The following SLC25A48 variants were observed in gnomAD, a reference collection of about 807,000 sequenced individuals.
SLC25A48 encodes the protein solute carrier family 25 member 48.
Under a neutral mutation model 32.2 loss-of-function variants are expected in SLC25A48, and 29 were observed. The observed-to-expected ratio is 0.90, with a 90% CI of 0.67 to 1.23. The LOEUF is 1.23. SLC25A48 is among the 50% of genes most tolerant of loss of function. SLC25A48 has a pLI of 0.00. For synonymous variants in SLC25A48, 164 were observed against 172.3 expected (o/e 0.95, Z 0.38); for missense variants, 399 against 422.7 (o/e 0.94, Z 0.49).
chr5:135,617,531 T>G (rs557935214), intron 1 of SLC25A48, among the ~76,000 whole-genome samples: 1 of 152,166 alleles, frequency 6.6e-6, no homozygotes, highest in African/African-American at 2.4e-5. Flanking sequence ...TTTGGTTAGT[T>G]GAGGTTTACC....
intron 3 of SLC25A48, among the ~76,000 whole-genome samples, chr5:135,786,899 T>A (rs1181813847): frequency 6.6e-6 from 1 of 152,086 alleles, no homozygotes; most frequent in African/African-American, 2.4e-5. Flanking sequence ...ACAGTAGGTG[T>A]ACACCATGTG....
intron 1 of SLC25A48, among the ~76,000 whole-genome samples, chr5:135,584,144 G>T (rs73789261): frequency 0.032 from 4,882 of 152,240 alleles, 253 homozygotes; most frequent in African/African-American, 0.11. Flanking sequence ...GGGTCACAGG[G>T]GGCACTGCAA....
intron 3 of SLC25A48, among the ~76,000 whole-genome samples, chr5:135,789,577 TG>T (rs1184604577): frequency 2.0e-5 from 3 of 151,606 alleles, no homozygotes; most frequent in Admixed American, 1.3e-4. Context: ...CTGTGCGATA[TG>T]GTTTGTAATA....
At chr5:135,724,700 C>T (rs993786591) in intron 3 of SLC25A48, among the ~76,000 whole-genome samples, 4 of 152,250 alleles carry the variant, frequency 2.6e-5, no homozygotes, top group African/African-American at 9.6e-5. Context: ...ACCTTGGTCT[C>T]TTGACCTATG....
chr5:135,707,738 C>T (rs1580802182), intron 3 of SLC25A48, among the ~76,000 whole-genome samples: 1 of 152,294 alleles, frequency 6.6e-6, no homozygotes, highest in East Asian at 1.9e-4. Context: ...CCTTATGCCC[C>T]TCATCAGTCT....
chr5:135,715,222 G>T (rs1754765119), intron 3 of SLC25A48, among the ~76,000 whole-genome samples: 1 of 152,208 alleles, frequency 6.6e-6, no homozygotes, highest in African/African-American at 2.4e-5. Context: ...CTGCTGATTT[G>T]ATATTTACAA....
At chr5:135,663,693 T>G (rs1342202233) in intron 3 of SLC25A48, among the ~76,000 whole-genome samples, 1 of 152,226 alleles carries the variant, frequency 6.6e-6, no homozygotes, top group African/African-American at 2.4e-5. Context: ...TGCGTTTCTG[T>G]GGGCTACTCT....
At chr5:135,654,791 A>C (rs1753203402) in intron 3 of SLC25A48, among the ~76,000 whole-genome samples, 1 of 152,146 alleles carries the variant, frequency 6.6e-6, no homozygotes, top group Non-Finnish European at 1.5e-5. Context: ...GGGGTTTCCC[A>C]GAGAAGAAGA....
At chr5:135,754,795 ACT>A (rs981591594) in intron 3 of SLC25A48, among the ~76,000 whole-genome samples, 35 of 151,630 alleles carry the variant, frequency 2.3e-4, no homozygotes, top group African/African-American at 8.2e-4. Flanking sequence ...GTGAAATATC[ACT>A]CTGGCATTTA....
intron 4 of SLC25A48, among the ~76,000 whole-genome samples, chr5:135,868,659 TATACAC>T (rs1396849960): frequency 4.4e-5 from 5 of 114,378 alleles, no homozygotes; most frequent in Non-Finnish European, 9.7e-5. Context: ...CATCTATGTG[TATACAC>T]ACACACACAC....
chr5:135,645,387 G>A (rs1001158220), intron 3 of SLC25A48, among the ~76,000 whole-genome samples: 9 of 152,316 alleles, frequency 5.9e-5, no homozygotes, highest in East Asian at 3.9e-4. Context: ...AACCATCAGC[G>A]TCTCAGCTGT....
At chr5:135,606,978 G>A (rs574313563) in intron 1 of SLC25A48, among the ~76,000 whole-genome samples, 37 of 152,048 alleles carry the variant, frequency 2.4e-4, no homozygotes, top group African/African-American at 7.7e-4. Flanking sequence ...CTTCTTTACC[G>A]TGTGTCCTGC....
intron 3 of SLC25A48, among the ~76,000 whole-genome samples, chr5:135,651,080 C>T (rs2126925395): frequency 6.6e-6 from 1 of 152,124 alleles, no homozygotes; most frequent in Non-Finnish European, 1.5e-5. Flanking sequence ...TGACAAAGAG[C>T]ATTGGAGGGA....
At chr5:135,803,878 TAGG>T (rs1158467368) in intron 3 of SLC25A48, among the ~76,000 whole-genome samples, 5 of 151,662 alleles carry the variant, frequency 3.3e-5, no homozygotes, top group Non-Finnish European at 5.9e-5. Context: ...TCTGTGATAT[TAGG>T]AGTATTATCT....
chr5:135,826,946 C>T (rs1375752492), intron 4 of SLC25A48: 1 of 152,474 alleles, frequency 6.6e-6, no homozygotes, highest in Non-Finnish European at 1.5e-5. Flanking sequence ...CTTCCCCTGC[C>T]CCTGCCCTTG....
At chr5:135,841,443 T>G in intron 1 of SLC25A48, among the ~76,000 whole-genome samples, 1 of 152,202 alleles carries the variant, frequency 6.6e-6, no homozygotes, top group East Asian at 1.9e-4. Context: ...TCCAACCCCC[T>G]GTTTAGCTCC....
chr5:135,787,939 G>A (rs1244108821), intron 3 of SLC25A48, among the ~76,000 whole-genome samples: 1 of 151,876 alleles, frequency 6.6e-6, no homozygotes, highest in Non-Finnish European at 1.5e-5. Flanking sequence ...AAGTCACAAC[G>A]GTGGTATACC....
At chr5:135,702,167 G>C (rs538830615) in intron 3 of SLC25A48, among the ~76,000 whole-genome samples, 39 of 152,236 alleles carry the variant, frequency 2.6e-4, no homozygotes, top group Admixed American at 1.8e-3. Flanking sequence ...CTTACCTCTA[G>C]TGGGTTCCAT....
intron 1 of SLC25A48, among the ~76,000 whole-genome samples, chr5:135,611,496 CAAAAAAAAAAAAAAAAA>C (rs57138043): frequency 9.4e-5 from 2 of 21,342 alleles, no homozygotes; most frequent in Non-Finnish European, 1.6e-4. Context: ...GACTCCATCT[CAAAAAAAAAAAAAAAAA>C]AAAAAAAAAA....
Sources: gnomAD v4.1 joint callset for allele counts (sites outside exome capture counted in the v4.1 genomes callset) on GRCh38, gnomAD v4.1.1 for gene constraint, MANE v1.5 for transcripts, NCBI Gene and HGNC (gene_info 2026-07-23, HGNC 2026-07-21) for gene names.